The following PLEKHA3 variants were observed in gnomAD, a reference collection of about 807,000 sequenced individuals.
PLEKHA3 encodes the protein pleckstrin homology domain-containing family A member 3.
Under a neutral mutation model 39.2 loss-of-function variants are expected in PLEKHA3, and 19 were observed. The observed-to-expected ratio is 0.48, with a 90% CI of 0.34 to 0.71. PLEKHA3 has a LOEUF of 0.71. PLEKHA3 is among the 30% of genes least tolerant of loss of function. PLEKHA3 has a pLI of 0.01. For missense variants in PLEKHA3, 253 were observed against 359.5 expected, an observed-to-expected ratio of 0.70 and a Z score of 2.40; for synonymous variants, 97 against 118.6, an observed-to-expected ratio of 0.82 and a Z score of 1.18.
rs969862932 is a variant in PLEKHA3, at chr2:178,516,390, T to G, written c.*12503T>G. 1 of 152,202 alleles carries G rather than the reference T, an allele frequency of 6.6e-6. No homozygotes were observed. The highest frequency in any genetic ancestry group is 2.4e-5 in the African/African-American group (1 of 41,450). The allele number at this position is 152,202 out of a possible 1,614,324, so 9.4% of individuals were successfully genotyped here. On this transcript the variant is annotated 3_prime_UTR_variant, in exon 8 of 8. Coordinates refer to ENST00000234453, the MANE Select transcript of PLEKHA3 (RefSeq NM_019091.4). Reference sequence around the variant, plus strand: ...TTCCAAAAGGTGTATACTCTATATTTTTGTCATAAAAATTCTGCTTGTCGA... The same window carrying G: ...TTCCAAAAGGTGTATACTCTATATTGTTGTCATAAAAATTCTGCTTGTCGA...
At chr2:178,484,047 A>C (rs978368187) in intron 1 of PLEKHA3, among the ~76,000 whole-genome samples, 2 of 152,246 alleles carry the variant, frequency 1.3e-5, no homozygotes, top group African/African-American at 4.8e-5. Context: ...ACTGCACTTC[A>C]GCCTGGGCAG....
chr2:178,482,897 TATTA>T (rs896630002), intron 1 of PLEKHA3, among the ~76,000 whole-genome samples: 6 of 152,318 alleles, frequency 3.9e-5, no homozygotes, highest in Non-Finnish European at 7.4e-5. Context: ...GTGTGCTGAT[TATTA>T]ATTTTAGTTC....
At chr2:178,495,802 A>T (rs1238000718) in intron 5 of PLEKHA3, 142 bp downstream of exon 5, 3 of 874,232 alleles carry the variant, frequency 3.4e-6, no homozygotes, top group Non-Finnish European at 5.2e-6. Flanking sequence ...TTTTGTTTGT[A>T]CTGTTTCATA....
At chr2:178,502,157 G>T (rs979297940) in intron 7 of PLEKHA3, among the ~76,000 whole-genome samples, 4 of 151,354 alleles carry the variant, frequency 2.6e-5, no homozygotes, top group African/African-American at 9.7e-5. Flanking sequence ...AAGTTAAACA[G>T]GTTTAGTTCA....
chr2:178,494,402 G>T (rs1323367743), intron 4 of PLEKHA3, among the ~76,000 whole-genome samples: 4 of 152,150 alleles, frequency 2.6e-5, no homozygotes, highest in Non-Finnish European at 5.9e-5. Context: ...ATCCTTCTCA[G>T]AACAGTGACT....
rs368349837 is a variant in PLEKHA3 at position 178,501,101 on chromosome 2, C to T, written c.700C>T (p.Arg234Ter). The T allele has an allele frequency of 6.2e-6, 10 of 1,613,102 alleles. No individual in the cohort carries two copies. Among genetic ancestry groups the T allele is most frequent in the East Asian group, 2.2e-5 (1 of 44,876 alleles). The change falls in exon 7 of 8, where the codon CGA becomes TGA. Residue 234 changes from arginine to a stop codon, truncating the protein, a stop_gained. Coordinates refer to ENST00000234453, the MANE Select transcript of PLEKHA3 (RefSeq NM_019091.4). LOFTEE classifies it high-confidence loss of function. ...SIKEPVSTLH[R>*]LSQRRRRTYS... Reference sequence around the variant, plus strand: ...AAAAGAACCAGTATCTACACTTCACCGACTCTCCCAGCGACGCCGAAGAAC... The same window carrying T: ...AAAAGAACCAGTATCTACACTTCACTGACTCTCCCAGCGACGCCGAAGAAC...
At chr2:178,495,695 A>G (rs754126897) in intron 5 of PLEKHA3, 35 bp downstream of exon 5, 29 of 1,561,658 alleles carry the variant, frequency 1.9e-5, no homozygotes, top group East Asian at 1.1e-4. Flanking sequence ...TTCCCTCAGT[A>G]GTAATGTTGC....
At chr2:178,492,471 G>A (rs147415789) in intron 3 of PLEKHA3, among the ~76,000 whole-genome samples, 1,171 of 116,290 alleles carry the variant, frequency 0.01, 25 homozygotes, top group African/African-American at 0.037. Flanking sequence ...AGCTAATCAT[G>A]TGGGGTGGGG....
chr2:178,502,164 T>G (rs1454979173), intron 7 of PLEKHA3, among the ~76,000 whole-genome samples: 1 of 151,888 alleles, frequency 6.6e-6, no homozygotes, highest in East Asian at 1.9e-4. Flanking sequence ...ACAGGTTTAG[T>G]TCATACATAT....
rs1685430398 is a variant in PLEKHA3, at chr2:178,495,680, G to GT, written c.615+26dup. 4.4e-6 allele frequency: 7 copies of GT among 1,576,192 alleles called. No homozygotes were observed. In the East Asian group the frequency reaches 1.1e-4, roughly 26 times the overall value. ...CAAATGGTTTGAACTTCTTGTTTTGGTTTTTTCCCTCAGTAGTAATGTTGC... is the reference window on the plus strand; with the variant it reads ...CAAATGGTTTGAACTTCTTGTTTTGGTTTTTTTCCCTCAGTAGTAATGTTGC... On this transcript the variant is annotated intron_variant, in intron 5 of 7. Transcript: ENST00000234453.
Position 178,507,443 on chromosome 2 carries a change from C to G in PLEKHA3, c.*3556C>G, listed in dbSNP as rs552899382. ...TCAAATTTGCTTAGTTTTTAATGTA[C>G]CTGTCACAATGACTATCCAAAGGCT... On this transcript the variant is annotated 3_prime_UTR_variant, in exon 8 of 8. Transcript: ENST00000234453. The G allele has an allele frequency of 1.3e-5, 2 of 152,124 alleles. No individual in the cohort carries two copies. Among genetic ancestry groups the G allele is most frequent in the East Asian group, 3.9e-4 (2 of 5,178 alleles). 9.4% of individuals were successfully genotyped at this position (152,124 alleles called of 1,614,324 possible).
chr2:178,497,599 A>T (rs753822281), intron 5 of PLEKHA3, among the ~76,000 whole-genome samples: 1 of 152,222 alleles, frequency 6.6e-6, no homozygotes, highest in Non-Finnish European at 1.5e-5. Flanking sequence ...TAGTTTGACA[A>T]TGTTGCTTTT....
At chr2:178,483,645 T>A (rs1685207153) in intron 1 of PLEKHA3, among the ~76,000 whole-genome samples, 1 of 152,242 alleles carries the variant, frequency 6.6e-6, no homozygotes, top group Non-Finnish European at 1.5e-5. Flanking sequence ...GGTGGAGGAA[T>A]GTATTTTCAC....
rs1685634224 is a variant in PLEKHA3, at chr2:178,508,232, A to G, written c.*4345A>G. The stretch of plus-strand genomic sequence containing the variant: ...CTCTAGTTGTTCCTTAAGTTATATT[A>G]TCTTTGTTCTTTTTGTTATCCTCCA... On this transcript the variant is annotated 3_prime_UTR_variant, in exon 8 of 8. Coordinates refer to ENST00000234453, the MANE Select transcript of PLEKHA3 (RefSeq NM_019091.4). The G allele has an allele frequency of 6.5e-6, 1 of 152,994 alleles. No individual in the cohort carries two copies. The highest frequency in any genetic ancestry group is 2.1e-4 in the South Asian group (1 of 4,796). The allele number at this position is 152,994 out of a possible 1,614,324, so 9.5% of individuals were successfully genotyped here. A position where few individuals can be genotyped will look rare whatever the true frequency, so the allele number is the denominator to read the frequency against.
rs377147402 is a variant in PLEKHA3, at chr2:178,487,098, G to C, written c.157+1341G>C. Among the ~76,000 whole-genome samples the C allele has an allele frequency of 1.3e-4, 20 of 152,318 alleles. No individual in the cohort carries two copies. The East Asian group carries it at 3.5e-3, about 26-fold the overall frequency. On this transcript the variant is annotated intron_variant, in intron 2 of 7. Transcript: ENST00000234453. The stretch of plus-strand genomic sequence containing the variant: ...ATTTATAGCCAAGGAGCAGGGTTAG[G>C]GGGAGACAGTGTCAGTGGAGGGAAA...
At chr2:178,481,029 C>A in intron 1 of PLEKHA3, 120 bp downstream of exon 1, 3 of 924,902 alleles carry the variant, frequency 3.2e-6, no homozygotes, top group African/African-American at 1.7e-5. Context: ...TCGCTCTACT[C>A]GATTCCAGGG....
At chr2:178,481,290 TTTAA>T (rs1458628977) in intron 1 of PLEKHA3, among the ~76,000 whole-genome samples, 3 of 152,236 alleles carry the variant, frequency 2.0e-5, no homozygotes, top group South Asian at 4.1e-4. Context: ...GAATGGACCC[TTTAA>T]TTGTTTCAAC....
Position 178,488,695 on chromosome 2 carries a change from G to A in PLEKHA3, c.158-1964G>A, listed in dbSNP as rs575709060. Among the ~76,000 whole-genome samples the A allele has an allele frequency of 4.6e-5, 7 of 152,224 alleles. No individual in the cohort carries two copies. The South Asian group carries it at 1.5e-3, about 32-fold the overall frequency. On this transcript the variant is annotated intron_variant, in intron 2 of 7. Coordinates refer to ENST00000234453, the MANE Select transcript of PLEKHA3 (RefSeq NM_019091.4). ...TTAGTTCTTTTTCAGTACTGTCTTG[G>A]CTATTGTAAGCCCTTTGCATTTCCT...
intron 5 of PLEKHA3, 83 bp downstream of exon 5, chr2:178,495,743 G>A: frequency 7.0e-7 from 1 of 1,433,162 alleles, no homozygotes; most frequent in Non-Finnish European, 9.5e-7. Flanking sequence ...TATTTTTAAG[G>A]GTGGAAGCAG....
Sources: allele counts gnomAD v4.1 joint callset (sites outside exome capture counted in the v4.1 genomes callset), GRCh38; gene constraint gnomAD v4.1.1; transcripts MANE v1.5; gene names NCBI Gene and HGNC (gene_info 2026-07-23, HGNC 2026-07-21).